CPE: variants seen among roughly 807,000 people sequenced by gnomAD.
CPE encodes carbocypeptidase E.
Under a neutral mutation model 53.5 loss-of-function variants are expected in CPE, and 17 were observed. The observed-to-expected ratio is 0.32, with a 90% CI of 0.22 to 0.48. The LOEUF (loss-of-function observed/expected upper bound fraction) is 0.48. CPE is among the 20% of genes least tolerant of loss of function. The pLI is 0.99. For missense variants in CPE, 524 were observed against 614.7 expected, an observed-to-expected ratio of 0.85 and a Z score of 1.56; for synonymous variants, 226 against 228.8, an observed-to-expected ratio of 0.99 and a Z score of 0.11.
At chr4:165,383,975 G>A (rs1184753238) in intron 1 of CPE, among the ~76,000 whole-genome samples, 1 of 152,224 alleles carries the variant, frequency 6.6e-6, no homozygotes, top group Admixed American at 6.5e-5. Context: ...GAGAAGGCAA[G>A]TTGGGCTTGC....
rs1269602592 is a variant in CPE at position 165,482,298 on chromosome 4, T to C, written c.729T>C (p.Leu243=). 2 of 1,614,094 alleles carry C rather than the reference T, an allele frequency of 1.2e-6. No homozygotes were observed. Among genetic ancestry groups the C allele is most frequent in the South Asian group, 2.2e-5 (2 of 91,082 alleles). Residue 243 remains leucine, a synonymous_variant, in exon 4 of 9, where the codon CTT becomes CTC. Transcript: ENST00000402744. ...GGATTATGGATATTCCTTTTGTGCTTTCTGCCAATCTCCATGGAGGAGACC... is the reference window on the plus strand; with the variant it reads ...GGATTATGGATATTCCTTTTGTGCTCTCTGCCAATCTCCATGGAGGAGACC... ...IHWIMDIPFV[L]SANLHGGDLV...
At chr4:165,390,385 C>G (rs975701069) in intron 1 of CPE, among the ~76,000 whole-genome samples, 25 of 152,194 alleles carry the variant, frequency 1.6e-4, no homozygotes, top group Non-Finnish European at 8.8e-5. Flanking sequence ...ATGGGTCAGA[C>G]TCAGTACTTA....
intron 1 of CPE, among the ~76,000 whole-genome samples, chr4:165,425,566 A>C (rs1384446731): frequency 6.6e-6 from 1 of 152,234 alleles, no homozygotes; most frequent in Admixed American, 6.5e-5. Flanking sequence ...AAGGAATAAA[A>C]AAAATATTTT....
intron 1 of CPE, among the ~76,000 whole-genome samples, chr4:165,400,768 A>T (rs954725190): frequency 6.6e-6 from 1 of 152,184 alleles, no homozygotes; most frequent in Admixed American, 6.5e-5. Context: ...GAAAGATTAC[A>T]TACTATTTTC....
At chr4:165,466,024 A>G (rs1732093763) in intron 2 of CPE, among the ~76,000 whole-genome samples, 1 of 152,216 alleles carries the variant, frequency 6.6e-6, no homozygotes, top group Non-Finnish European at 1.5e-5. Flanking sequence ...TTTTCAAAAT[A>G]CTTATGACAA....
At chr4:165,392,156 G>T (rs985382312) in intron 1 of CPE, among the ~76,000 whole-genome samples, 1 of 148,648 alleles carries the variant, frequency 6.7e-6, no homozygotes, top group South Asian at 2.1e-4. Flanking sequence ...AAACTATTTG[G>T]GATGGAGCAT....
intron 5 of CPE, 52 bp downstream of exon 5, chr4:165,484,656 A>C (rs1273345907): frequency 6.6e-7 from 1 of 1,518,018 alleles, no homozygotes. Context: ...ATTTACAATG[A>C]CCATTTAGGT....
chr4:165,427,566 A>G (rs1271437294), intron 1 of CPE, among the ~76,000 whole-genome samples: 1 of 152,226 alleles, frequency 6.6e-6, no homozygotes, highest in Non-Finnish European at 1.5e-5. Flanking sequence ...AAGAAAATTA[A>G]TATGGGCATT....
chr4:165,485,720 A>G (rs1560896249), intron 5 of CPE, among the ~76,000 whole-genome samples: 1 of 152,206 alleles, frequency 6.6e-6, no homozygotes, highest in African/African-American at 2.4e-5. Context: ...AATACTGATA[A>G]TAACATTATT....
intron 4 of CPE, among the ~76,000 whole-genome samples, chr4:165,482,599 T>G (rs1275520163): frequency 6.6e-6 from 1 of 152,212 alleles, no homozygotes; most frequent in Admixed American, 6.5e-5. Context: ...ATCTTGACAG[T>G]ACCTAGCCAA....
At chr4:165,425,714 G>C (rs13103635) in intron 1 of CPE, among the ~76,000 whole-genome samples, 44,907 of 151,670 alleles carry the variant, frequency 0.3, 6,724 homozygotes, top group Middle Eastern at 0.39. Flanking sequence ...TTTAGAAGTA[G>C]TTCTCAAATG....
chr4:165,455,096 T>C (rs1731879340), intron 1 of CPE, among the ~76,000 whole-genome samples: 2 of 152,216 alleles, frequency 1.3e-5, no homozygotes, highest in Non-Finnish European at 2.9e-5. Context: ...CTCCTAAACT[T>C]TTCTTCTCAA....
At chr4:165,386,253 T>A (rs1055758873) in intron 1 of CPE, 1 of 523,364 alleles carries the variant, frequency 1.9e-6, no homozygotes, top group Non-Finnish European at 3.9e-6. Context: ...GATAAATCTA[T>A]AGACAAAATA....
At chr4:165,495,474 G>C in intron 7 of CPE, 85 bp from the exon 8 acceptor site, 1 of 832,432 alleles carries the variant, frequency 1.2e-6, no homozygotes, top group Non-Finnish European at 1.9e-6. Context: ...AGCTAGACTG[G>C]GTATTCCTTA....
intron 2 of CPE, among the ~76,000 whole-genome samples, chr4:165,465,166 T>C (rs1224823422): frequency 2.6e-5 from 4 of 152,130 alleles, no homozygotes; most frequent in Admixed American, 6.6e-5. Context: ...TAAGAGAAGA[T>C]ATATGGTGTG....
At chr4:165,450,586 T>G (rs1334423855) in intron 1 of CPE, among the ~76,000 whole-genome samples, 3 of 152,336 alleles carry the variant, frequency 2.0e-5, no homozygotes, top group East Asian at 3.9e-4. Context: ...CCATGCATAA[T>G]TATTTAATGT....
In CPE at chr4:165,484,847, G is replaced by A. The variant is rs575615609; in HGVS notation, c.973+243G>A. The stretch of plus-strand genomic sequence containing the variant: ...GAAGAGATACAGGAAATGAACTGAA[G>A]ACATTCATTTGGAAAATAATAAATT... On this transcript the variant is annotated intron_variant, in intron 5 of 8. Coordinates refer to ENST00000402744, the MANE Select transcript of CPE (RefSeq NM_001873.4). Among the ~76,000 whole-genome samples the A allele has an allele frequency of 2.6e-5, 4 of 152,278 alleles. 1 individual carries two copies. The South Asian group carries it at 8.3e-4, about 32-fold the overall frequency.
chr4:165,474,487 T>C (rs1271164344), intron 3 of CPE, among the ~76,000 whole-genome samples: 1 of 152,166 alleles, frequency 6.6e-6, no homozygotes, highest in Non-Finnish European at 1.5e-5. Context: ...AACAAAGGCA[T>C]CCCCTCTTAC....
At chr4:165,457,658 C>T (rs1008129066) in intron 1 of CPE, among the ~76,000 whole-genome samples, 1 of 152,084 alleles carries the variant, frequency 6.6e-6, no homozygotes, top group Non-Finnish European at 1.5e-5. Context: ...ATCTTGACTG[C>T]CCATTAAAAA....
Sources: allele counts gnomAD v4.1 joint callset (sites outside exome capture counted in the v4.1 genomes callset), GRCh38; gene constraint gnomAD v4.1.1; transcripts MANE v1.5; gene names NCBI Gene and HGNC (gene_info 2026-07-23, HGNC 2026-07-21).